The following SARNP variants were observed in gnomAD, a reference collection of about 807,000 sequenced individuals.
The protein encoded by SARNP is SAP domain-containing ribonucleoprotein.
SARNP carries 5 observed loss-of-function variants against 38.1 expected under a neutral mutation model. The observed-to-expected ratio is 0.13, with a 90% confidence interval of 0.07 to 0.28. The LOEUF is 0.28. Ranked by LOEUF, SARNP falls within the 10% of genes least tolerant of loss-of-function variation. SARNP has a pLI of 1.00. For synonymous variants in SARNP, 84 were observed against 80.6 expected (o/e 1.04, Z -0.23); for missense variants, 180 against 243.9 (o/e 0.74, Z 1.75).
intron 9 of SARNP, among the ~76,000 whole-genome samples, chr12:55,781,997 C>T (rs538195029): frequency 2.6e-5 from 4 of 152,244 alleles, no homozygotes; most frequent in Non-Finnish European, 4.4e-5. Flanking sequence ...AACCTCTGTG[C>T]CCAGTCTAAA....
At chr12:55,757,972 A>G (rs1878563995) in intron 10 of SARNP, among the ~76,000 whole-genome samples, 1 of 152,234 alleles carries the variant, frequency 6.6e-6, no homozygotes, top group Non-Finnish European at 1.5e-5. Context: ...AATGCTATTC[A>G]TAGAGGTGAA....
In SARNP at chr12:55,804,985, C is replaced by T. The variant is rs367866057; in HGVS notation, c.37-1257G>A. Reference sequence around the variant, plus strand: ...GTTTTTTAAAACATATCACAATGGCCGGGCGCGGTGGCTCACGCCTGTAAT... The same window carrying T: ...GTTTTTTAAAACATATCACAATGGCTGGGCGCGGTGGCTCACGCCTGTAAT... On this transcript the variant is annotated intron_variant, in intron 1 of 10. Transcript: ENST00000336133. 1.9e-3 allele frequency among the ~76,000 whole-genome samples: 288 copies of T among 152,296 alleles called. 1 individual carries two copies. Among genetic ancestry groups the T allele is most frequent in the Non-Finnish European group, 3.3e-3 (227 of 68,030 alleles).
At chr12:55,806,687 A>G (rs1223431632) in intron 1 of SARNP, among the ~76,000 whole-genome samples, 1 of 152,050 alleles carries the variant, frequency 6.6e-6, no homozygotes, top group Non-Finnish European at 1.5e-5. Flanking sequence ...CTACAGGCGC[A>G]TGCCACCATG....
At chr12:55,763,288 A>G (rs1878730083) in intron 9 of SARNP, among the ~76,000 whole-genome samples, 1 of 151,648 alleles carries the variant, frequency 6.6e-6, no homozygotes. Context: ...TTCTTTACAC[A>G]TGCAATATCT....
At chr12:55,793,590 A>C (rs1028044210) in intron 7 of SARNP, 3 of 151,514 alleles carry the variant, frequency 2.0e-5, no homozygotes, top group Non-Finnish European at 4.4e-5. Context: ...GGTTATGGTG[A>C]ACCCTCAGAT....
Position 55,770,659 on chromosome 12 carries a change from G to T in SARNP, c.502-10019C>A, listed in dbSNP as rs1878981365. ...CAACAATTGGCAGCTGAATACCACA[G>T]ATATTTTCTAAAGTGTCTGTTCCCT... On this transcript the variant is annotated intron_variant, in intron 9 of 10. Transcript: ENST00000336133. Among the ~76,000 whole-genome samples, 2 of 152,234 alleles carry T rather than the reference G, an allele frequency of 1.3e-5. 1 individual carries two copies. Among genetic ancestry groups the T allele is most frequent in the South Asian group, 4.1e-4 (2 of 4,830 alleles).
At chr12:55,774,579 C>CAAA (rs71074858) in intron 9 of SARNP, among the ~76,000 whole-genome samples, 10 of 106,316 alleles carry the variant, frequency 9.4e-5, no homozygotes, top group Middle Eastern at 4.5e-3. Flanking sequence ...AAAAAACAAA[C>CAAA]AAAAAAAAAA....
At chr12:55,786,272 T>G (rs1187087325) in intron 9 of SARNP, among the ~76,000 whole-genome samples, 1 of 152,198 alleles carries the variant, frequency 6.6e-6, no homozygotes, top group East Asian at 1.9e-4. Flanking sequence ...ATTTTGTAAA[T>G]TCTGAAGGAA....
At chr12:55,785,327 T>C (rs1213169493) in intron 9 of SARNP, among the ~76,000 whole-genome samples, 1 of 152,110 alleles carries the variant, frequency 6.6e-6, no homozygotes, top group Non-Finnish European at 1.5e-5. Context: ...TTATCAATGA[T>C]CAACTAAAAC....
intron 9 of SARNP, among the ~76,000 whole-genome samples, chr12:55,766,608 T>A (rs1432529090): frequency 4.0e-5 from 3 of 75,788 alleles, no homozygotes; most frequent in Non-Finnish European, 2.4e-5. Context: ...TTTTGTGGGT[T>A]TTTTTGGCGG....
chr12:55,774,181 C>A (rs1428140241), intron 9 of SARNP, among the ~76,000 whole-genome samples: 3 of 151,864 alleles, frequency 2.0e-5, no homozygotes, highest in African/African-American at 7.3e-5. Context: ...TGTTTATTTT[C>A]TTGTAGAGAC....
At chr12:55,804,889 A>T (rs1880091685) in intron 1 of SARNP, among the ~76,000 whole-genome samples, 1 of 152,248 alleles carries the variant, frequency 6.6e-6, no homozygotes, top group Admixed American at 6.5e-5. Context: ...AAAAAATTTT[A>T]CAACTATGGA....
At chr12:55,753,367 ATTC>A (rs1220978779), downstream of SARNP, 1 of 152,228 alleles carries the variant, frequency 6.6e-6, no homozygotes, top group Non-Finnish European at 1.5e-5. Flanking sequence ...CATCTCAAAT[ATTC>A]TTTCAGTTCA....
At chr12:55,789,669 C>T (rs894288259) in intron 8 of SARNP, among the ~76,000 whole-genome samples, 1 of 152,026 alleles carries the variant, frequency 6.6e-6, no homozygotes, top group African/African-American at 2.4e-5. Context: ...TAGGGCCAGG[C>T]GCGGTGGCTC....
intron 2 of SARNP, 149 bp downstream of exon 2, chr12:55,803,480 T>C (rs538219728): frequency 9.1e-5 from 47 of 515,716 alleles, no homozygotes; most frequent in African/African-American, 5.6e-4. Context: ...CAAGACTCCA[T>C]CTCAAAAAAA....
At chr12:55,763,334 C>CA (rs1878733223) in intron 9 of SARNP, among the ~76,000 whole-genome samples, 1 of 148,570 alleles carries the variant, frequency 6.7e-6, no homozygotes, top group Admixed American at 6.8e-5. Flanking sequence ...TCCCCAGAGA[C>CA]AGAGTCTCGC....
At chr12:55,784,979 T>C (rs1167903122) in intron 9 of SARNP, among the ~76,000 whole-genome samples, 3 of 152,244 alleles carry the variant, frequency 2.0e-5, no homozygotes, top group African/African-American at 2.4e-5. Flanking sequence ...ACTTAAAATA[T>C]AGTCTTCCTC....
chr12:55,806,308 T>C (rs1043884920), intron 1 of SARNP, among the ~76,000 whole-genome samples: 3 of 151,302 alleles, frequency 2.0e-5, no homozygotes, highest in Non-Finnish European at 4.4e-5. Context: ...GGAGTCTTGC[T>C]CTGGTGCCCT....
intron 1 of SARNP, among the ~76,000 whole-genome samples, chr12:55,813,152 G>A (rs888313905): frequency 2.0e-5 from 3 of 152,132 alleles, no homozygotes; most frequent in African/African-American, 7.2e-5. Context: ...CACCATATTG[G>A]TCAGGCTGGT....
Sources: allele counts gnomAD v4.1 joint callset (sites outside exome capture counted in the v4.1 genomes callset), GRCh38; gene constraint gnomAD v4.1.1; transcripts MANE v1.5; gene names NCBI Gene and HGNC (gene_info 2026-07-23, HGNC 2026-07-21).